Variants in NFKBIZ observed in about 807,000 individuals in gnomAD.
NFKBIZ encodes NF-kappa-B inhibitor zeta.
In NFKBIZ, 19 loss-of-function variants were observed where a neutral mutation model predicts 76.8. That is an observed-to-expected ratio of 0.25 (90% confidence interval 0.17 to 0.36). The LOEUF is 0.36. Ranked by LOEUF, NFKBIZ falls within the 10% of genes least tolerant of loss-of-function variation. NFKBIZ has a pLI of 1.00. For missense variants in NFKBIZ, 829 were observed against 910.9 expected, an observed-to-expected ratio of 0.91 and a Z score of 1.16; for synonymous variants, 368 against 354.8, an observed-to-expected ratio of 1.04 and a Z score of -0.42.
Position 101,857,452 on chromosome 3 carries a change from G to T in NFKBIZ, c.2096G>T (p.Gly699Val). The T allele has an allele frequency of 8.7e-6, 14 of 1,614,068 alleles. No individual in the cohort carries two copies. The highest frequency in any genetic ancestry group is 1.2e-5 in the Non-Finnish European group (14 of 1,180,044). The part of the protein sequence containing the change: ...PVHLVPDGPV[G>V]EQIRRILKGK... ...CATTTGGTTCCCGATGGCCCTGTGG[G>T]AGAACAGGTGAGAGGCACAGGAGGG... is the stretch of plus-strand genomic sequence containing the variant. The change falls in exon 11 of 12, where the codon GGA (glycine) becomes GTA (valine). Residue 699 changes from glycine to valine, a missense_variant. Coordinates refer to ENST00000326172, the MANE Select transcript of NFKBIZ (RefSeq NM_031419.4).
intron 2 of NFKBIZ, among the ~76,000 whole-genome samples, chr3:101,837,880 G>A (rs1179210138): frequency 6.6e-6 from 1 of 152,194 alleles, no homozygotes; most frequent in African/African-American, 2.4e-5. Flanking sequence ...GGAAAACAGA[G>A]AAAAAGAGAA....
rs754197512 is a variant in NFKBIZ at position 101,854,554 on chromosome 3, C to T, written c.1338-24C>T. On this transcript the variant is annotated intron_variant, in intron 5 of 11. Coordinates refer to ENST00000326172, the MANE Select transcript of NFKBIZ (RefSeq NM_031419.4). ...TTAGTGAAATCAGAAGTGATTCACC[C>T]GCTTTCCTTTCCATGTTCCCCAGGT... 37 of 1,481,234 alleles carry T rather than the reference C, an allele frequency of 2.5e-5. No individual in the cohort carries two copies. The East Asian group carries it at 4.1e-4, about 16-fold the overall frequency. 91.8% of individuals were successfully genotyped at this position (1,481,234 alleles called of 1,614,324 possible). A position where few individuals can be genotyped will look rare whatever the true frequency, so the allele number is the denominator to read the frequency against.
intron 2 of NFKBIZ, among the ~76,000 whole-genome samples, chr3:101,837,624 T>C (rs1315058415): frequency 1.8e-4 from 27 of 151,958 alleles, no homozygotes; most frequent in Non-Finnish European, 1.5e-5. Context: ...GAAGAAAGAA[T>C]CTGAGAGTTA....
intron 9 of NFKBIZ, 72 bp downstream of exon 9, chr3:101,855,974 A>C: frequency 7.4e-7 from 1 of 1,354,126 alleles, no homozygotes; most frequent in Non-Finnish European, 1.0e-6. Flanking sequence ...CTTGCTTCCA[A>C]GTACAGATTC....
chr3:101,842,370 T>G (rs966475133), intron 2 of NFKBIZ, among the ~76,000 whole-genome samples: 77 of 152,280 alleles, frequency 5.1e-4, no homozygotes, highest in African/African-American at 1.8e-3. Flanking sequence ...CTTGGACATC[T>G]GTCATTCTAA....
chr3:101,857,285 T>A lies in NFKBIZ; in HGVS notation c.1936-7T>A. On this transcript the variant is annotated splice_region_variant and splice_polypyrimidine_tract_variant and intron_variant, in intron 10 of 11. Transcript: ENST00000326172. ...TGATGTCTGATAATTCATTTCTTTG[T>A]CTTCAGGCTTACAATGGCAACACTG... is the stretch of plus-strand genomic sequence containing the variant. 1 of 1,614,172 alleles carries A rather than the reference T, an allele frequency of 6.2e-7. No individual in the cohort carries two copies.
chr3:101,853,999 A>C, intron 5 of NFKBIZ, 136 bp downstream of exon 5: 4 of 835,678 alleles, frequency 4.8e-6, no homozygotes, highest in Non-Finnish European at 7.3e-6. Context: ...GTGTAGATAG[A>C]AACCGCCACT....
chr3:101,853,970 T>G lies in NFKBIZ; in HGVS notation c.1337+107T>G, dbSNP rs1943009670. On this transcript the variant is annotated intron_variant, in intron 5 of 11. Transcript: ENST00000326172. ...AACAAGGTATACCTTAGTTAGTGGT[T>G]GGCTAACCAAGATGACTGGTGTAGA... The G allele has an allele frequency of 1.8e-5, 19 of 1,069,224 alleles. No homozygotes were observed. The South Asian group carries it at 3.0e-4, about 17-fold the overall frequency. 66.2% of individuals were successfully genotyped at this position (1,069,224 alleles called of 1,614,324 possible). A position where few individuals can be genotyped will look rare whatever the true frequency, so the allele number is the denominator to read the frequency against.
intron 2 of NFKBIZ, among the ~76,000 whole-genome samples, chr3:101,835,032 G>A (rs2107395741): frequency 6.6e-6 from 1 of 152,296 alleles, no homozygotes; most frequent in African/African-American, 2.4e-5. Flanking sequence ...TTAGAACTTT[G>A]AAAAATGAGT....
upstream of NFKBIZ, among the ~76,000 whole-genome samples, chr3:101,847,101 C>T (rs778915711): frequency 3.0e-4 from 46 of 152,232 alleles, 2 homozygotes; most frequent in Non-Finnish European, 8.8e-5. Context: ...CCCGCATTGG[C>T]GAAGGGGGAT....
intron 2 of NFKBIZ, among the ~76,000 whole-genome samples, chr3:101,829,903 T>G (rs1942624661): frequency 6.9e-6 from 1 of 145,000 alleles, no homozygotes; most frequent in African/African-American, 2.5e-5. Flanking sequence ...GTGTGTGTGG[T>G]TTAGTAGTAT....
At position 101,857,364 on chromosome 3, in the gene NFKBIZ, C is replaced by T. The variant is rs777315234; in HGVS notation, c.2008C>T (p.Arg670Cys). 6 of 1,614,074 alleles carry T rather than the reference C, an allele frequency of 3.7e-6. No homozygotes were observed. The highest frequency in any genetic ancestry group is 1.6e-4 in the Middle Eastern group (1 of 6,084). The change falls in exon 11 of 12, where the codon CGC becomes TGC. Residue 670 changes from arginine (R) to cysteine (C), a missense_variant. By Grantham distance (180) the Arg-to-Cys change is radical (BLOSUM62 -3). Transcript: ENST00000326172. ...QYRLTQLDAV[R>C]LLMRKGADPS... is the part of the protein sequence containing the mutation. ...TCGGTTGACACAATTAGATGCTGTCCGCCTGTTGATGAGGAAGGGAGCAGA... is the reference window on the plus strand; with the variant it reads ...TCGGTTGACACAATTAGATGCTGTCTGCCTGTTGATGAGGAAGGGAGCAGA...
chr3:101,836,986 T>C (rs1468725457), intron 2 of NFKBIZ, among the ~76,000 whole-genome samples: 1 of 152,222 alleles, frequency 6.6e-6, no homozygotes, highest in African/African-American at 2.4e-5. Flanking sequence ...GAGTCCTTGG[T>C]TTCTGTGAGG....
At chr3:101,856,231 T>C (rs950229647) in intron 9 of NFKBIZ, among the ~76,000 whole-genome samples, 1 of 152,126 alleles carries the variant, frequency 6.6e-6, no homozygotes, top group Non-Finnish European at 1.5e-5. Flanking sequence ...TTTGTATTTT[T>C]AGTAGAGACG....
intron 1 of NFKBIZ, among the ~76,000 whole-genome samples, chr3:101,829,022 G>C (rs994137441): frequency 1.3e-5 from 2 of 152,170 alleles, no homozygotes; most frequent in Admixed American, 6.5e-5. Context: ...GGAGAGAAAA[G>C]TTTATCCTAG....
upstream of NFKBIZ, among the ~76,000 whole-genome samples, chr3:101,848,682 T>C (rs182162460): frequency 5.9e-4 from 90 of 152,364 alleles, 1 homozygote; most frequent in African/African-American, 2.0e-3. Flanking sequence ...GTTTATCAGA[T>C]AGTGTAAAGC....
chr3:101,857,255 C>T, intron 10 of NFKBIZ, 37 bp from the exon 11 acceptor site: 5 of 1,612,628 alleles, frequency 3.1e-6, no homozygotes, highest in Non-Finnish European at 4.2e-6. Context: ...AAATTTCCCC[C>T]TTCCTGATGT....
intron 11 of NFKBIZ, chr3:101,857,761 G>A: frequency 1.0e-6 from 1 of 985,412 alleles, no homozygotes; most frequent in South Asian, 4.7e-5. Context: ...AAGATACCAA[G>A]GTTCCTGCAG....
chr3:101,853,882 C>A lies in NFKBIZ; in HGVS notation c.1337+19C>A. 1.2e-6 allele frequency: 2 copies of A among 1,602,270 alleles called. No individual in the cohort carries two copies. The highest frequency in any genetic ancestry group is 8.5e-7 in the Non-Finnish European group (1 of 1,173,124). ...GTGACACGTGAGTATTCTTTTATCT[C>A]ATGTTCTTAATTAGGTAAGCCACAC... On this transcript the variant is annotated intron_variant, in intron 5 of 11. Transcript: ENST00000326172.
Sources: allele counts gnomAD v4.1 joint callset (sites outside exome capture counted in the v4.1 genomes callset), GRCh38; gene constraint gnomAD v4.1.1; transcripts MANE v1.5; gene names NCBI Gene and HGNC (gene_info 2026-07-23, HGNC 2026-07-21).